Variants in ZFP1 observed in about 807,000 individuals in gnomAD.
ZFP1 encodes the protein ZFP1 zinc finger protein, also known as zinc finger protein 1 homolog.
ZFP1 carries 32 observed loss-of-function variants against 38.5 expected under a neutral mutation model. The observed-to-expected ratio is 0.83, with a 90% CI of 0.63 to 1.12. The LOEUF is 1.12. Among genes scored for constraint, ZFP1 ranks in the 50% most tolerant of loss-of-function variants. The probability of loss-of-function intolerance (pLI) is 0.00; values close to 1 mark genes in which losing one functional copy is unlikely to be tolerated. For missense variants in ZFP1, 616 were observed against 480.8 expected (o/e 1.28, Z -2.63); for synonymous variants, 245 against 168.8 (o/e 1.45, Z -3.50).
At chr16:75,167,363 C>T (rs952281646) in intron 3 of ZFP1, among the ~76,000 whole-genome samples, 2 of 151,900 alleles carry the variant, frequency 1.3e-5, no homozygotes, top group East Asian at 1.9e-4. Flanking sequence ...ATCTCTGAAG[C>T]ATACCTCCAA....
rs761545205 is a variant in ZFP1, at chr16:75,169,692, C to T, written c.582C>T (p.Ser194=). The T allele has an allele frequency of 6.2e-7, 1 of 1,612,088 alleles. No homozygotes were observed. The highest frequency in any genetic ancestry group is 1.1e-5 in the South Asian group (1 of 90,892). The change falls in exon 4 of 4, where the codon TCC becomes TCT. Residue 194 remains serine, a synonymous_variant. Coordinates refer to ENST00000570010, the MANE Select transcript of ZFP1 (RefSeq NM_153688.4). The part of the protein sequence containing the change: ...FICTYCDKAF[S]FKSLLISHKR... ...GTACTTACTGTGACAAGGCTTTCTC[C>T]TTTAAGTCACTCCTCATTAGTCATA...
At chr16:75,159,370 TCCCTC>T (rs2037644341) in intron 2 of ZFP1, among the ~76,000 whole-genome samples, 1 of 23,508 alleles carries the variant, frequency 4.3e-5, no homozygotes, top group South Asian at 2.2e-3. Flanking sequence ...TTTCCCTCCC[TCCCTC>T]CCTTCCTTCC....
At chr16:75,123,449 GTATATGTATATATATATATATATATA>G in the ZFP1 span, among the ~76,000 whole-genome samples, 1 of 48,396 alleles carries the variant, frequency 2.1e-5, no homozygotes, top group African/African-American at 8.6e-5. Context: ...GTGTGTGTGT[GTATATGTATATATATATATATATATA>G]TATATATATA....
intron 2 of ZFP1, among the ~76,000 whole-genome samples, chr16:75,165,057 A>G (rs11859447): frequency 1.3e-5 from 2 of 151,944 alleles, no homozygotes; most frequent in Non-Finnish European, 2.9e-5. Context: ...CACCCACTTC[A>G]GCCTCCCAAA....
chr16:75,122,252 C>T, the ZFP1 span, among the ~76,000 whole-genome samples: 2 of 152,142 alleles, frequency 1.3e-5, no homozygotes, highest in Non-Finnish European at 2.9e-5. Flanking sequence ...TAGGGTTGGA[C>T]CGCACAGTCT....
intron 1 of ZFP1, among the ~76,000 whole-genome samples, chr16:75,152,499 T>G (rs1363949024): frequency 6.6e-6 from 1 of 152,240 alleles, no homozygotes; most frequent in Non-Finnish European, 1.5e-5. Context: ...GTTACTGTAC[T>G]TTTCTTAGCA....
the ZFP1 span, among the ~76,000 whole-genome samples, chr16:75,123,523 T>A: frequency 7.3e-6 from 1 of 137,794 alleles, no homozygotes; most frequent in Non-Finnish European, 1.5e-5. Context: ...TCTTTTTTTT[T>A]GGAGAAAGAG....
intron 2 of ZFP1, among the ~76,000 whole-genome samples, chr16:75,163,434 C>A (rs552275290): frequency 6.6e-6 from 1 of 151,818 alleles, no homozygotes; most frequent in Non-Finnish European, 1.5e-5. Context: ...GCCTCAGCCT[C>A]CTGAGTAGCT....
At chr16:75,142,841 A>G in the ZFP1 span, among the ~76,000 whole-genome samples, 1 of 151,790 alleles carries the variant, frequency 6.6e-6, no homozygotes, top group Non-Finnish European at 1.5e-5. Context: ...ATCTGGGAGT[A>G]CAGGTGTCCA....
At chr16:75,128,936 G>A in the ZFP1 span, among the ~76,000 whole-genome samples, 176 of 152,226 alleles carry the variant, frequency 1.2e-3, no homozygotes, top group Non-Finnish European at 1.8e-3. Flanking sequence ...GATTACAGGA[G>A]TGCACCACCA....
the ZFP1 span, among the ~76,000 whole-genome samples, chr16:75,121,937 C>G: frequency 6.6e-6 from 1 of 152,176 alleles, no homozygotes; most frequent in East Asian, 1.9e-4. Context: ...ATACTTATCC[C>G]TGCCAAATAC....
the ZFP1 span, among the ~76,000 whole-genome samples, chr16:75,119,063 G>T: frequency 2.0e-5 from 3 of 152,192 alleles, no homozygotes; most frequent in African/African-American, 7.2e-5. Context: ...TCCCCAAAAT[G>T]TATAAAACTA....
chr16:75,149,557 C>CTTTTTTTTTTTTTTTTTTTTTTTTTT (rs34371791), intron 1 of ZFP1, among the ~76,000 whole-genome samples: 1 of 101,766 alleles, frequency 9.8e-6, no homozygotes, highest in Non-Finnish European at 1.9e-5. Flanking sequence ...TCTTTACTTT[C>CTTTTTTTTTTTTTTTTTTTTTTTTTT]TTTTTTTTTT....
intron 2 of ZFP1, among the ~76,000 whole-genome samples, chr16:75,153,490 G>C (rs756952545): frequency 1.3e-5 from 2 of 152,094 alleles, no homozygotes; most frequent in African/African-American, 4.8e-5. Context: ...ACAAACGTAA[G>C]ATAGCATGTT....
At chr16:75,164,069 T>G (rs189131836) in intron 2 of ZFP1, among the ~76,000 whole-genome samples, 4 of 152,368 alleles carry the variant, frequency 2.6e-5, no homozygotes, top group African/African-American at 9.6e-5. Context: ...GGTCATGTTA[T>G]GTGCATTTTT....
intron 3 of ZFP1, 141 bp from the exon 4 acceptor site, chr16:75,169,112 T>C: frequency 1.7e-6 from 2 of 1,154,916 alleles, no homozygotes; most frequent in Non-Finnish European, 2.3e-6. Context: ...ACATTTGCAC[T>C]GGGAATTTTT....
At chr16:75,133,908 G>C in the ZFP1 span, among the ~76,000 whole-genome samples, 1 of 150,990 alleles carries the variant, frequency 6.6e-6, no homozygotes, top group Non-Finnish European at 1.5e-5. Flanking sequence ...AATTAGCCAG[G>C]CGTGCTGGTG....
At chr16:75,124,685 G>T in the ZFP1 span, among the ~76,000 whole-genome samples, 46,669 of 148,974 alleles carry the variant, frequency 0.31, 7,432 homozygotes, top group Non-Finnish European at 0.34. Flanking sequence ...TACTTGGGAG[G>T]CTGAGGCAGG....
At chr16:75,168,060 CA>C (rs910753338) in intron 3 of ZFP1, among the ~76,000 whole-genome samples, 5 of 151,890 alleles carry the variant, frequency 3.3e-5, no homozygotes, top group African/African-American at 4.8e-5. Context: ...GACCCCATCT[CA>C]AAAAAACAAA....
Sources: gnomAD v4.1 joint callset for allele counts (sites outside exome capture counted in the v4.1 genomes callset) on GRCh38, gnomAD v4.1.1 for gene constraint, MANE v1.5 for transcripts, NCBI Gene and HGNC (gene_info 2026-07-23, HGNC 2026-07-21) for gene names.